LRBA: variants seen among roughly 807,000 people sequenced by gnomAD.
LRBA encodes LPS responsive beige-like anchor protein.
Under a neutral mutation model 330.0 loss-of-function variants are expected in LRBA, and 176 were observed. That is an observed-to-expected ratio of 0.53 (90% CI 0.47 to 0.60). The LOEUF (loss-of-function observed/expected upper bound fraction) is 0.60. Ranked by LOEUF, LRBA falls within the 20% of genes least tolerant of loss-of-function variation. The pLI is 0.00. For synonymous variants in LRBA, 1,230 were observed against 1,193.0 expected (o/e 1.03, Z -0.64); for missense variants, 3,259 against 3,444.8 (o/e 0.95, Z 1.35).
chr4:150,824,717 T>C (rs549442749), intron 30 of LRBA, among the ~76,000 whole-genome samples: 5 of 152,206 alleles, frequency 3.3e-5, no homozygotes, highest in Non-Finnish European at 5.9e-5. Flanking sequence ...CACTGATAGT[T>C]TGTGTATGCT....
Position 150,478,955 on chromosome 4 carries a change from T to C in LRBA, c.6552-7216A>G, listed in dbSNP as rs1459721515. Among the ~76,000 whole-genome samples, 3 of 152,200 alleles carry C rather than the reference T, an allele frequency of 2.0e-5. No homozygotes were observed. In the East Asian group the frequency reaches 5.8e-4, roughly 29 times the overall value. On this transcript the variant is annotated intron_variant, in intron 42 of 56. Transcript: ENST00000651943. Reference sequence around the variant, plus strand: ...ACATGGCTGAGTGCTTGACACATTGTAAGTGAAAATCTATTTAAGAAACTG... The same window carrying C: ...ACATGGCTGAGTGCTTGACACATTGCAAGTGAAAATCTATTTAAGAAACTG...
At chr4:150,608,446 A>C (rs1267001335) in intron 37 of LRBA, among the ~76,000 whole-genome samples, 1 of 152,178 alleles carries the variant, frequency 6.6e-6, no homozygotes, top group Non-Finnish European at 1.5e-5. Flanking sequence ...TAATGGGAGA[A>C]CCAAAATAGA....
intron 47 of LRBA, among the ~76,000 whole-genome samples, chr4:150,374,736 C>T (rs894213182): frequency 6.6e-6 from 1 of 152,102 alleles, no homozygotes; most frequent in Admixed American, 6.6e-5. Context: ...AAATCCAAAA[C>T]CTGAAATACT....
chr4:150,265,953 T>G lies in LRBA; in HGVS notation c.8469-141A>C, dbSNP rs1027813695. 14 of 619,710 alleles carry G rather than the reference T, an allele frequency of 2.3e-5. No homozygotes were observed. In the African/African-American group the frequency reaches 2.4e-4, roughly 11 times the overall value. The allele number at this position is 619,710 out of a possible 1,614,324, so 38.4% of individuals were successfully genotyped here. On this transcript the variant is annotated intron_variant, in intron 56 of 56. Transcript: ENST00000651943. ...AATTTGTGGGAACTAAGGTATGTAT[T>G]TCATGACTAAAATGTATCCCTGAGT...
intron 40 of LRBA, among the ~76,000 whole-genome samples, chr4:150,541,090 G>A (rs143197967): frequency 5.3e-5 from 8 of 152,266 alleles, no homozygotes; most frequent in Non-Finnish European, 1.2e-4. Flanking sequence ...AAAGGTAAAC[G>A]AAAGTTAGCC....
intron 37 of LRBA, among the ~76,000 whole-genome samples, chr4:150,673,838 T>C (rs1027893395): frequency 2.0e-5 from 3 of 152,242 alleles, no homozygotes; most frequent in Non-Finnish European, 4.4e-5. Flanking sequence ...ATTTGAATAA[T>C]ATTGTGTTAT....
chr4:150,423,957 A>G (rs990900686), intron 46 of LRBA, among the ~76,000 whole-genome samples: 1 of 152,216 alleles, frequency 6.6e-6, no homozygotes, highest in Non-Finnish European at 1.5e-5. Context: ...ATTATGACTA[A>G]AAGTTGGGGT....
chr4:150,746,907 C>T (rs1244338822), intron 35 of LRBA, among the ~76,000 whole-genome samples: 4 of 152,094 alleles, frequency 2.6e-5, no homozygotes, highest in Non-Finnish European at 5.9e-5. Flanking sequence ...GCCTCCAATC[C>T]AACTTCTTTC....
intron 47 of LRBA, among the ~76,000 whole-genome samples, chr4:150,358,087 G>T (rs1217284144): frequency 6.6e-6 from 1 of 152,072 alleles, no homozygotes; most frequent in African/African-American, 2.4e-5. Context: ...AACTCTCAGA[G>T]GGACTGAGTT....
intron 32 of LRBA, 45 bp from the exon 33 acceptor site, chr4:150,806,449 ATC>A: frequency 7.4e-7 from 1 of 1,344,736 alleles, no homozygotes; most frequent in Non-Finnish European, 9.9e-7. Flanking sequence ...AACAGATTGT[ATC>A]AATTTTCTAG....
chr4:150,707,169 G>C (rs1459944198), intron 36 of LRBA, among the ~76,000 whole-genome samples: 1 of 151,488 alleles, frequency 6.6e-6, no homozygotes. Context: ...GGGGTGGAAG[G>C]CATCCTGGAA....
At chr4:150,475,320 C>T (rs1190959637) in intron 42 of LRBA, among the ~76,000 whole-genome samples, 1 of 152,142 alleles carries the variant, frequency 6.6e-6, no homozygotes, top group Non-Finnish European at 1.5e-5. Flanking sequence ...TGTTTCCTCC[C>T]TCCTATCTTC....
chr4:150,551,367 T>C (rs1766568933), intron 40 of LRBA, among the ~76,000 whole-genome samples: 2 of 152,156 alleles, frequency 1.3e-5, no homozygotes, highest in Admixed American at 6.6e-5. Flanking sequence ...GATAAACATA[T>C]TCAACGACAG....
chr4:150,271,252 C>T (rs903079163), intron 56 of LRBA, among the ~76,000 whole-genome samples: 1 of 152,120 alleles, frequency 6.6e-6, no homozygotes, highest in Non-Finnish European at 1.5e-5. Context: ...ACCACCAGGG[C>T]CCTGGGTTTT....
intron 42 of LRBA, among the ~76,000 whole-genome samples, chr4:150,475,781 G>A (rs1308913655): frequency 6.6e-6 from 1 of 151,868 alleles, no homozygotes; most frequent in Non-Finnish European, 1.5e-5. Flanking sequence ...GCATGTGCCT[G>A]TAGTCTCAGC....
At chr4:150,286,405 C>T (rs1748133720) in intron 53 of LRBA, among the ~76,000 whole-genome samples, 1 of 152,142 alleles carries the variant, frequency 6.6e-6, no homozygotes, top group Admixed American at 6.5e-5. Flanking sequence ...AAAGGCCTCG[C>T]CCCTCCTTCC....
chr4:150,428,499 T>C (rs1231025617), intron 46 of LRBA, among the ~76,000 whole-genome samples: 1 of 152,068 alleles, frequency 6.6e-6, no homozygotes, highest in African/African-American at 2.4e-5. Flanking sequence ...CAGGCATATA[T>C]CCATTTGAGT....
chr4:151,013,150 T>C (rs913988525), intron 2 of LRBA: 10 of 152,204 alleles, frequency 6.6e-5, no homozygotes, highest in African/African-American at 2.2e-4. Flanking sequence ...AAGAAATAAT[T>C]AACTGCCCCA....
intron 37 of LRBA, among the ~76,000 whole-genome samples, chr4:150,680,251 C>T (rs550961919): frequency 6.6e-6 from 1 of 152,194 alleles, no homozygotes; most frequent in South Asian, 2.1e-4. Context: ...AATCTCTAAG[C>T]ATTTGAAAAA....
Sources: gnomAD v4.1 joint callset for allele counts (sites outside exome capture counted in the v4.1 genomes callset) on GRCh38, gnomAD v4.1.1 for gene constraint, MANE v1.5 for transcripts, NCBI Gene and HGNC (gene_info 2026-07-23, HGNC 2026-07-21) for gene names.